Variants in ATF2 observed in about 807,000 individuals in gnomAD.
ATF2 encodes activating transcription factor 2.
Under a neutral mutation model 60.6 loss-of-function variants are expected in ATF2, and 24 were observed. The ratio of observed to expected loss-of-function variants is 0.40; its 90% CI spans 0.29 to 0.56. ATF2 has a LOEUF of 0.56. Among genes scored for constraint, ATF2 ranks in the 20% least tolerant of loss-of-function variants. The pLI is 0.54. For synonymous variants in ATF2, 206 were observed against 215.4 expected (o/e 0.96, Z 0.38); for missense variants, 433 against 607.7 (o/e 0.71, Z 3.02).
chr2:175,077,400 T>G (rs552024045), intron 13 of ATF2, among the ~76,000 whole-genome samples: 9 of 152,292 alleles, frequency 5.9e-5, no homozygotes, highest in African/African-American at 1.9e-4. Context: ...TTGAACTAGT[T>G]TACAGTCCCA....
At chr2:175,131,289 G>A (rs564978700) in intron 3 of ATF2, among the ~76,000 whole-genome samples, 2 of 152,300 alleles carry the variant, frequency 1.3e-5, no homozygotes, top group South Asian at 4.2e-4. Context: ...AACACATAAA[G>A]AACTTGAAAG....
At chr2:175,154,027 G>A (rs576612337) in intron 1 of ATF2, among the ~76,000 whole-genome samples, 4 of 151,166 alleles carry the variant, frequency 2.6e-5, no homozygotes, top group Non-Finnish European at 5.9e-5. Context: ...CAAGACCAGC[G>A]TGACCAACAT....
intron 13 of ATF2, among the ~76,000 whole-genome samples, chr2:175,078,594 G>T (rs1559044152): frequency 6.6e-6 from 1 of 152,110 alleles, no homozygotes; most frequent in African/African-American, 2.4e-5. Context: ...AGACCCTATG[G>T]CTGTGACTTA....
intron 9 of ATF2, 147 bp from the exon 10 acceptor site, chr2:175,111,801 T>TAAGG: frequency 6.4e-6 from 4 of 627,386 alleles, no homozygotes; most frequent in Non-Finnish European, 7.9e-6. Context: ...ACCAAATCCT[T>TAAGG]ATTTGGTCTT....
intron 10 of ATF2, among the ~76,000 whole-genome samples, chr2:175,098,296 T>C (rs556252821): frequency 6.6e-6 from 1 of 152,322 alleles, no homozygotes; most frequent in South Asian, 2.1e-4. Flanking sequence ...TCTGTAAATA[T>C]GAAATAATTT....
intron 7 of ATF2, among the ~76,000 whole-genome samples, chr2:175,116,386 C>T (rs565711921): frequency 3.9e-5 from 6 of 152,118 alleles, no homozygotes; most frequent in Middle Eastern, 3.4e-3. Flanking sequence ...GCTAGAACAA[C>T]TAAATGGATG....
chr2:175,108,570 G>A (rs1189087054), intron 10 of ATF2, among the ~76,000 whole-genome samples: 3 of 149,206 alleles, frequency 2.0e-5, no homozygotes, highest in Non-Finnish European at 3.0e-5. Context: ...GGGCGCCTCC[G>A]CCCGGCCAGC....
chr2:175,142,708 AGAGAGAGAGAGAGT>A (rs1193389341), intron 2 of ATF2, among the ~76,000 whole-genome samples: 58 of 127,036 alleles, frequency 4.6e-4, no homozygotes, highest in Middle Eastern at 3.8e-3. Flanking sequence ...AGAGAGAGAG[AGAGAGAGAGAGAGT>A]GTGTGTGTGT....
At chr2:175,078,747 A>G (rs941324361) in intron 13 of ATF2, among the ~76,000 whole-genome samples, 1 of 152,200 alleles carries the variant, frequency 6.6e-6, no homozygotes, top group African/African-American at 2.4e-5. Flanking sequence ...CAACATAATG[A>G]AGAGTGTAAA....
At chr2:175,088,432 G>A (rs184327360) in intron 12 of ATF2, among the ~76,000 whole-genome samples, 64 of 151,968 alleles carry the variant, frequency 4.2e-4, no homozygotes, top group East Asian at 1.4e-3. Flanking sequence ...ATAAGTCAAC[G>A]GACCAATAAA....
intron 2 of ATF2, among the ~76,000 whole-genome samples, chr2:175,140,129 A>G (rs970076997): frequency 6.6e-6 from 1 of 152,236 alleles, no homozygotes; most frequent in Non-Finnish European, 1.5e-5. Context: ...CTGCACAGAT[A>G]CACATAAGAA....
rs373635091 is a variant in ATF2, at chr2:175,108,311, G to A, written c.828+3257C>T. On this transcript the variant is annotated intron_variant, in intron 10 of 13. Coordinates refer to ENST00000264110, the MANE Select transcript of ATF2 (RefSeq NM_001880.4). ...TCTCCGTCCGGCAGCCACCCCGTCC[G>A]GGAGGGAGGTGGGGGGTCAACCCCC... 2.1e-4 allele frequency among the ~76,000 whole-genome samples: 32 copies of A among 151,904 alleles called. No individual in the cohort carries two copies. In the East Asian group the frequency reaches 5.5e-3, roughly 26 times the overall value.
rs771660506 is a variant in ATF2 at position 175,093,045 on chromosome 2, C to G, written c.1185+16G>C. ...TAAAAAAGAAATAAAACAAAATTCA[C>G]ATATATGCACCATACCTGCAGCTGA... On this transcript the variant is annotated intron_variant, in intron 12 of 13. Coordinates refer to ENST00000264110, the MANE Select transcript of ATF2 (RefSeq NM_001880.4). 1 of 1,599,536 alleles carries G rather than the reference C, an allele frequency of 6.3e-7. No homozygotes were observed. Among genetic ancestry groups the G allele is most frequent in the Admixed American group, 1.8e-5 (1 of 56,826 alleles).
chr2:175,135,907 C>T (rs971987278), intron 3 of ATF2, among the ~76,000 whole-genome samples: 3 of 152,060 alleles, frequency 2.0e-5, no homozygotes, highest in Non-Finnish European at 2.9e-5. Flanking sequence ...CCTTCAATAG[C>T]AATGCTCCCC....
Position 175,097,377 on chromosome 2 carries a change from G to A in ATF2, c.978+67C>T, listed in dbSNP as rs149284771. On this transcript the variant is annotated intron_variant, in intron 11 of 13. Coordinates refer to ENST00000264110, the MANE Select transcript of ATF2 (RefSeq NM_001880.4). ...CAGAGTAATATTTTTTAAATAAGCC[G>A]TAAGTTACACTGTACTTTTCTGTTT... 56 of 1,558,886 alleles carry A rather than the reference G, an allele frequency of 3.6e-5. No individual in the cohort carries two copies. The Middle Eastern group carries it at 5.2e-4, about 14-fold the overall frequency.
At chr2:175,142,496 A>G (rs995925270) in intron 2 of ATF2, among the ~76,000 whole-genome samples, 3 of 152,174 alleles carry the variant, frequency 2.0e-5, no homozygotes, top group Non-Finnish European at 4.4e-5. Context: ...ATAGTTCCAC[A>G]TACAAACATG....
intron 1 of ATF2, among the ~76,000 whole-genome samples, chr2:175,156,004 C>T (rs1335465037): frequency 6.6e-6 from 1 of 152,090 alleles, no homozygotes; most frequent in Non-Finnish European, 1.5e-5. Context: ...CAAAGATGTC[C>T]ATACCCTAAT....
chr2:175,151,113 A>C lies in ATF2; in HGVS notation c.-97T>G, dbSNP rs548481405. ...TTTACTCTGCTTCCAGGAATACCTT[A>C]GCTGTTATCAATAAGCAGTCCTTTC... On this transcript the variant is annotated 5_prime_UTR_variant, in exon 2 of 14. Coordinates refer to ENST00000264110, the MANE Select transcript of ATF2 (RefSeq NM_001880.4). The C allele has an allele frequency of 1.3e-5, 2 of 152,644 alleles. No individual in the cohort carries two copies. Among genetic ancestry groups the C allele is most frequent in the East Asian group, 3.9e-4 (2 of 5,188 alleles). The allele number at this position is 152,644 out of a possible 1,614,324, so 9.5% of individuals were successfully genotyped here.
intron 1 of ATF2, among the ~76,000 whole-genome samples, chr2:175,164,524 ACT>A (rs1367602070): frequency 1.3e-5 from 2 of 152,174 alleles, no homozygotes; most frequent in South Asian, 2.1e-4. Flanking sequence ...CCAGAGGGAG[ACT>A]CTGTCTCAAA....
Sources: gnomAD v4.1 joint callset for allele counts (sites outside exome capture counted in the v4.1 genomes callset) on GRCh38, gnomAD v4.1.1 for gene constraint, MANE v1.5 for transcripts, NCBI Gene and HGNC (gene_info 2026-07-23, HGNC 2026-07-21) for gene names.